The following NPTX2 variants were observed in gnomAD, a reference collection of about 807,000 sequenced individuals.
NPTX2 encodes neuronal pentraxin-2.
Under a neutral mutation model 38.1 loss-of-function variants are expected in NPTX2, and 23 were observed. The observed-to-expected ratio is 0.60, with a 90% CI of 0.43 to 0.85. The LOEUF is 0.85. NPTX2 is among the 40% of genes least tolerant of loss of function. The pLI is 0.00. For synonymous variants in NPTX2, 291 were observed against 287.3 expected, an observed-to-expected ratio of 1.01 and a Z score of -0.13; for missense variants, 553 against 615.3, an observed-to-expected ratio of 0.90 and a Z score of 1.07.
chr7:98,617,885 G>A lies in NPTX2; in HGVS notation c.424G>A (p.Glu142Lys). 6.4e-7 allele frequency: 1 copy of A among 1,552,198 alleles called. No homozygotes were observed. Reference sequence around the variant, plus strand: ...CCTCAAGGACCGCCTGGAGAGCCTCGAGGTAGCGGCCCGCGGGGAGCGCGG... The same window carrying A: ...CCTCAAGGACCGCCTGGAGAGCCTCAAGGTAGCGGCCCGCGGGGAGCGCGG... ...QTLKDRLESL[E>K]HQLRANVSNA... The change falls in exon 1 of 5, where the codon GAG becomes AAG. Residue 142 changes from glutamate to lysine, a missense_variant and splice_region_variant. Coordinates refer to ENST00000265634, the MANE Select transcript of NPTX2 (RefSeq NM_002523.3).
chr7:98,626,398 G>T (rs1186362094), intron 3 of NPTX2, among the ~76,000 whole-genome samples: 1 of 151,962 alleles, frequency 6.6e-6, no homozygotes, highest in Non-Finnish European at 1.5e-5. Flanking sequence ...GTCTGTCGAG[G>T]TTTAAAAAAC....
rs1474743024 is a variant in NPTX2, at chr7:98,619,645, C to T, written c.429C>T (p.His143=). 6.2e-7 allele frequency: 1 copy of T among 1,610,286 alleles called. No homozygotes were observed. The stretch of plus-strand genomic sequence containing the variant: ...CCCTCCTCCCCGGTGGCTGAAAGCA[C>T]CAGCTCAGAGCAAACGTGTCCAATG... ...TLKDRLESLE[H]QLRANVSNAG... Residue 143 remains histidine, a splice_region_variant and synonymous_variant, in exon 2 of 5, where the codon CAC becomes CAT. Coordinates refer to ENST00000265634, the MANE Select transcript of NPTX2 (RefSeq NM_002523.3).
chr7:98,620,054 C>A, intron 2 of NPTX2, 195 bp downstream of exon 2: 1 of 609,286 alleles, frequency 1.6e-6, no homozygotes, highest in Non-Finnish European at 2.9e-6. Context: ...TGGCATTATC[C>A]AGGGAAAAGT....
Position 98,625,083 on chromosome 7 carries a change from T to G in NPTX2, c.805T>G (p.Ser269Ala), listed in dbSNP as rs754727360. 1.9e-6 allele frequency: 3 copies of G among 1,612,928 alleles called. No homozygotes were observed. The South Asian group carries it at 3.3e-5, about 18-fold the overall frequency. The change falls in exon 3 of 5, where the codon TCC (serine) becomes GCC (alanine). Residue 269 changes from serine to alanine, a missense_variant. By Grantham distance (99) the Ser-to-Ala change is moderately conservative (BLOSUM62 1). Coordinates refer to ENST00000265634, the MANE Select transcript of NPTX2 (RefSeq NM_002523.3). ...CTCACCAGGCATTGGCACCCCCTTCTCCTATGCGGTGCCAGGGCAGGCCAA... is the reference window on the plus strand; with the variant it reads ...CTCACCAGGCATTGGCACCCCCTTCGCCTATGCGGTGCCAGGGCAGGCCAA... ...SASPGIGTPF[S>A]YAVPGQANEI...
chr7:98,628,256 C>G (rs1791385822), intron 4 of NPTX2, 146 bp from the exon 5 acceptor site: 1 of 569,346 alleles, frequency 1.8e-6, no homozygotes, highest in African/African-American at 1.9e-5. Flanking sequence ...TCTGACATGC[C>G]TGGGAGCTTC....
chr7:98,621,159 A>C (rs1791264054), intron 2 of NPTX2, among the ~76,000 whole-genome samples: 2 of 151,982 alleles, frequency 1.3e-5, no homozygotes, highest in Admixed American at 1.3e-4. Context: ...GCTTACTCCT[A>C]AGGTAAGCCA....
In NPTX2 at chr7:98,627,279, G is replaced by C. The variant is rs1164688836; in HGVS notation, c.1003G>C (p.Gly335Arg). 6.2e-7 allele frequency: 1 copy of C among 1,613,774 alleles called. No homozygotes were observed. The highest frequency in any genetic ancestry group is 8.5e-7 in the Non-Finnish European group (1 of 1,179,846). The change falls in exon 4 of 5, where the codon GGG (glycine) becomes CGG (arginine). Residue 335 changes from glycine (G) to arginine (R), a missense_variant. Gly to Arg is a moderately radical substitution (Grantham distance 125, BLOSUM62 -2). Coordinates refer to ENST00000265634, the MANE Select transcript of NPTX2 (RefSeq NM_002523.3). ...AFQDGEKLGT[G>R]ENLAPWHPIK... ...CCAGGACGGAGAGAAGCTGGGCACT[G>C]GGGAGAACCTGGCCCCCTGGCACCC...
intron 1 of NPTX2, among the ~76,000 whole-genome samples, chr7:98,618,155 C>G (rs986548502): frequency 2.0e-5 from 3 of 152,196 alleles, no homozygotes; most frequent in African/African-American, 7.2e-5. Flanking sequence ...CGGGATCCGC[C>G]GAGCACTTCC....
In NPTX2 at chr7:98,617,688, C is replaced by T. The variant is rs932379106; in HGVS notation, c.227C>T (p.Thr76Met). 13 of 1,458,432 alleles carry T rather than the reference C, an allele frequency of 8.9e-6. No homozygotes were observed. In the African/African-American group the frequency reaches 1.8e-4, roughly 20 times the overall value. The allele number at this position is 1,458,432 out of a possible 1,614,324, so 90.3% of individuals were successfully genotyped here. ...LRETVVQQKE[T>M]LGAQREAIRE... ...GAGACCGTCGTGCAGCAGAAGGAGA[C>T]GCTGGGCGCGCAGCGCGAGGCCATC... Residue 76 changes from threonine (T) to methionine (M), a missense_variant, in exon 1 of 5, where the codon ACG (threonine) becomes ATG (methionine). Physicochemically the swap from Thr to Met is moderately conservative, Grantham distance 81. Transcript: ENST00000265634.
intron 2 of NPTX2, 54 bp from the exon 3 acceptor site, chr7:98,624,868 T>C: frequency 1.3e-6 from 2 of 1,573,352 alleles, no homozygotes; most frequent in South Asian, 2.3e-5. Context: ...GCCGTGCTGG[T>C]GGGTGGTGGG....
rs139880012 is a variant in NPTX2, at chr7:98,625,475, G to A, written c.888+309G>A. Among the ~76,000 whole-genome samples the A allele has an allele frequency of 6.2e-3, 943 of 152,280 alleles. 9 individuals are homozygous for A. Among genetic ancestry groups the A allele is most frequent in the African/African-American group, 0.022 (909 of 41,560 alleles). On this transcript the variant is annotated intron_variant, in intron 3 of 4. Transcript: ENST00000265634. ...CTGGATTGAGAGAGGACCTCAGGCC[G>A]GTCAGTGAGGGCTGTTCCCCAGGGC... is the stretch of plus-strand genomic sequence containing the variant.
chr7:98,620,536 T>C (rs1319207692), intron 2 of NPTX2, among the ~76,000 whole-genome samples: 2 of 152,202 alleles, frequency 1.3e-5, no homozygotes, highest in African/African-American at 4.8e-5. Flanking sequence ...CTATCCTTTC[T>C]TCCTGGCCCT....
intron 1 of NPTX2, 73 bp downstream of exon 1, chr7:98,617,960 G>A (rs1791201252): frequency 6.8e-7 from 1 of 1,464,764 alleles, no homozygotes; most frequent in Non-Finnish European, 9.1e-7. Context: ...GACTCGGGAG[G>A]ATGGGGAAAG....
chr7:98,618,447 G>C (rs1791212539), intron 1 of NPTX2, among the ~76,000 whole-genome samples: 1 of 152,084 alleles, frequency 6.6e-6, no homozygotes. Context: ...CCCAGAGCGC[G>C]CATTAGAGGG....
At position 98,617,830 on chromosome 7, in the gene NPTX2, C is replaced by A. The variant is rs1791197842; in HGVS notation, c.369C>A (p.Val123=). The A allele has an allele frequency of 2.6e-6, 4 of 1,550,730 alleles. No homozygotes were observed. The highest frequency in any genetic ancestry group is 3.5e-6 in the Non-Finnish European group (4 of 1,156,858). ...MGDLPRDPGH[V]VEQLSRSLQT... is the part of the protein sequence containing the mutation. ...ACCTGCCGCGGGACCCCGGCCACGT[C>A]GTGGAGCAGCTCAGCCGCTCGCTGC... The change falls in exon 1 of 5, where the codon GTC becomes GTA. Residue 123 remains valine, a synonymous_variant. Transcript: ENST00000265634.
chr7:98,621,940 G>A (rs1791276901), intron 2 of NPTX2, among the ~76,000 whole-genome samples: 1 of 152,214 alleles, frequency 6.6e-6, no homozygotes, highest in African/African-American at 2.4e-5. Flanking sequence ...CAGCCCTGCT[G>A]CGTCGGAGGC....
rs375277342 is a variant in NPTX2, at chr7:98,619,054, C to T, written c.427-589C>T. On this transcript the variant is annotated intron_variant, in intron 1 of 4. Coordinates refer to ENST00000265634, the MANE Select transcript of NPTX2 (RefSeq NM_002523.3). ...TTGCCATGAACTCATGGGTAGGCAG[C>T]CTGCCACAGCCTCCAGAACCACATG... 7.2e-5 allele frequency among the ~76,000 whole-genome samples: 11 copies of T among 152,216 alleles called. No homozygotes were observed. The East Asian group carries it at 1.7e-3, about 24-fold the overall frequency.
At position 98,617,791 on chromosome 7, in the gene NPTX2, G is replaced by A. The variant is rs1432917305; in HGVS notation, c.330G>A (p.Lys110=). ...GKARGAGATG[K]DTMGDLPRDP... is the part of the protein sequence containing the mutation. ...CGCGCGGCGCGGGGGCCACGGGCAA[G>A]GACACTATGGGCGACCTGCCGCGGG... Residue 110 remains lysine (K), a synonymous_variant, in exon 1 of 5, where the codon AAG becomes AAA. Transcript: ENST00000265634. 3 of 1,512,840 alleles carry A rather than the reference G, an allele frequency of 2.0e-6. No homozygotes were observed. Among genetic ancestry groups the A allele is most frequent in the South Asian group, 1.2e-5 (1 of 82,070 alleles). The allele number at this position is 1,512,840 out of a possible 1,614,324, so 93.7% of individuals were successfully genotyped here.
In NPTX2 at chr7:98,628,517, C is replaced by T; in HGVS notation, c.1184C>T (p.Ser395Phe). 6.2e-7 allele frequency: 1 copy of T among 1,611,214 alleles called. No individual in the cohort carries two copies. The highest frequency in any genetic ancestry group is 8.5e-7 in the Non-Finnish European group (1 of 1,177,940). ...AQEIVNIANC[S>F]TNMPGNIIPW... is the part of the protein sequence containing the mutation. ...GAAATTGTCAACATCGCCAACTGCT[C>T]CACAAACATGCCGGGCAACATCATC... is the stretch of plus-strand genomic sequence containing the variant. Residue 395 changes from serine (S) to phenylalanine (F), a missense_variant, in exon 5 of 5, where the codon TCC (serine) becomes TTC (phenylalanine). Coordinates refer to ENST00000265634, the MANE Select transcript of NPTX2 (RefSeq NM_002523.3).
Sources: allele counts gnomAD v4.1 joint callset (sites outside exome capture counted in the v4.1 genomes callset), GRCh38; gene constraint gnomAD v4.1.1; transcripts MANE v1.5; gene names NCBI Gene and HGNC (gene_info 2026-07-23, HGNC 2026-07-21).